Variants in INO80 observed in about 807,000 individuals in gnomAD.
INO80 encodes the protein chromatin-remodeling ATPase INO80.
A neutral mutation model predicts 203.4 loss-of-function variants in INO80; 20 were observed. The observed-to-expected ratio is 0.10, with a 90% CI of 0.07 to 0.14. The LOEUF is 0.14. INO80 is among the 10% of genes least tolerant of loss of function. The pLI, the probability that INO80 is intolerant of heterozygous loss-of-function variation, is 1.00. For synonymous variants in INO80, 726 were observed against 685.2 expected (o/e 1.06, Z -0.93); for missense variants, 1,419 against 1,914.4 (o/e 0.74, Z 4.83).
At chr15:41,090,875 C>A (rs2045629793) in intron 5 of INO80, among the ~76,000 whole-genome samples, 1 of 151,002 alleles carries the variant, frequency 6.6e-6, no homozygotes, top group African/African-American at 2.4e-5. Context: ...TCTAGTACAT[C>A]CGAAGTATTA....
At chr15:41,017,352 T>C (rs1184549406) in intron 26 of INO80, 1 of 152,176 alleles carries the variant, frequency 6.6e-6, no homozygotes, top group Non-Finnish European at 1.5e-5. Context: ...GGGAAGAGTT[T>C]AGGTTTAAGG....
At chr15:41,015,230 G>A (rs1428933853) in intron 27 of INO80, among the ~76,000 whole-genome samples, 2 of 152,296 alleles carry the variant, frequency 1.3e-5, no homozygotes, top group Non-Finnish European at 2.9e-5. Flanking sequence ...TAGCTGTCAA[G>A]CCTGGTTGCA....
chr15:41,049,177 A>T (rs930655996), intron 21 of INO80, 110 bp downstream of exon 21: 1 of 874,052 alleles, frequency 1.1e-6, no homozygotes, highest in Non-Finnish European at 1.7e-6. Flanking sequence ...CCCTTTGCTT[A>T]AATGTCTCAT....
chr15:41,029,800 T>G (rs1335242737), intron 24 of INO80, among the ~76,000 whole-genome samples: 1 of 152,232 alleles, frequency 6.6e-6, no homozygotes, highest in East Asian at 1.9e-4. Flanking sequence ...AGGAAAAAGG[T>G]AAAAAGATGT....
intron 24 of INO80, among the ~76,000 whole-genome samples, chr15:41,040,280 C>T (rs752976467): frequency 2.0e-5 from 3 of 152,112 alleles, no homozygotes; most frequent in Non-Finnish European, 2.9e-5. Flanking sequence ...CAAAACAATA[C>T]AGAAGAAATG....
intron 24 of INO80, among the ~76,000 whole-genome samples, chr15:41,030,850 T>G (rs1164636094): frequency 6.6e-6 from 1 of 151,894 alleles, no homozygotes; most frequent in East Asian, 1.9e-4. Context: ...TTTTGTATTT[T>G]CAGTAGAGAT....
intron 27 of INO80, among the ~76,000 whole-genome samples, chr15:41,009,504 T>TA (rs1030159028): frequency 9.9e-5 from 15 of 151,542 alleles, no homozygotes; most frequent in African/African-American, 3.4e-4. Flanking sequence ...GTTCTTGCGA[T>TA]AGTTTACTGA....
Position 41,027,576 on chromosome 15 carries a change from T to C in INO80, c.3048+20A>G, listed in dbSNP as rs753361223. On this transcript the variant is annotated intron_variant, in intron 25 of 35. Transcript: ENST00000648947. ...CTCCTATTGCCATCTATTTCATCTC[T>C]TCCCTCCTGGAGCACTTACTCGTGG... is the stretch of plus-strand genomic sequence containing the variant. 1.3e-6 allele frequency: 2 copies of C among 1,570,514 alleles called. No homozygotes were observed. Among genetic ancestry groups the C allele is most frequent in the African/African-American group, 1.4e-5 (1 of 73,410 alleles).
intron 27 of INO80, among the ~76,000 whole-genome samples, chr15:41,012,677 C>A (rs966336072): frequency 2.0e-5 from 3 of 151,594 alleles, no homozygotes; most frequent in Non-Finnish European, 2.9e-5. Context: ...CTGCCCGTGG[C>A]AAACTAAAAA....
At chr15:41,115,046 C>G (rs1350129732) in intron 1 of INO80, among the ~76,000 whole-genome samples, 2 of 152,132 alleles carry the variant, frequency 1.3e-5, no homozygotes, top group South Asian at 2.1e-4. Context: ...TTCAATAAAG[C>G]TATTATTTAA....
intron 7 of INO80, among the ~76,000 whole-genome samples, chr15:41,082,284 C>CCAGGCG (rs1167891287): frequency 6.7e-6 from 1 of 148,804 alleles, no homozygotes; most frequent in Non-Finnish European, 1.5e-5. Context: ...CATTTCTTGG[C>CCAGGCG]CAGGCGCAGT....
At chr15:40,999,534 C>A (rs905007925) in intron 28 of INO80, 13 of 152,226 alleles carry the variant, frequency 8.5e-5, no homozygotes, top group Admixed American at 2.0e-4. Context: ...GGGTGGCGGT[C>A]TCTCAGTTAG....
At chr15:41,050,957 C>A (rs1197435694) in intron 19 of INO80, among the ~76,000 whole-genome samples, 3 of 151,626 alleles carry the variant, frequency 2.0e-5, no homozygotes, top group Admixed American at 6.6e-5. Flanking sequence ...ATAGTGAAAC[C>A]CCATCTCTAC....
At chr15:41,036,531 C>A (rs1294931736) in intron 24 of INO80, among the ~76,000 whole-genome samples, 3 of 126,982 alleles carry the variant, frequency 2.4e-5, no homozygotes, top group Non-Finnish European at 5.4e-5. Context: ...GTGCTCTTCA[C>A]AAAATTCTAT....
At chr15:41,017,621 G>C (rs1325258397) in intron 26 of INO80, 3 of 152,208 alleles carry the variant, frequency 2.0e-5, no homozygotes, top group Non-Finnish European at 4.4e-5. Context: ...AAGAACGGAT[G>C]TGCTGACAGC....
At chr15:41,086,018 C>T (rs771162390) in intron 6 of INO80, among the ~76,000 whole-genome samples, 11 of 152,096 alleles carry the variant, frequency 7.2e-5, no homozygotes, top group Non-Finnish European at 1.5e-4. Context: ...TGGCAAGAAC[C>T]AAATTTCTTT....
In INO80 at chr15:40,985,377, C is replaced by G. The variant is rs147809480; in HGVS notation, c.3882G>C (p.Val1294=). The G allele has an allele frequency of 3.7e-6, 6 of 1,613,962 alleles. No individual in the cohort carries two copies. The African/African-American group carries it at 8.0e-5, about 22-fold the overall frequency. ...EKRQQEETNR[V]KERKRKREKY... ...TTTCCCGCTTCCGCTTGCGCTCTTT[C>G]ACTCGGTTGGTTTCCTCCTGTTGCC... The change falls in exon 32 of 36, where the codon GTG becomes GTC. Residue 1294 remains valine (V), a synonymous_variant. Coordinates refer to ENST00000648947, the MANE Select transcript of INO80 (RefSeq NM_017553.3).
intron 1 of INO80, among the ~76,000 whole-genome samples, chr15:41,114,218 G>C (rs2045995407): frequency 6.6e-6 from 1 of 150,712 alleles, no homozygotes; most frequent in Non-Finnish European, 1.5e-5. Context: ...AGTGAGCCGA[G>C]ATCACGCCAC....
At chr15:40,990,992 C>T (rs12905314) in intron 29 of INO80, among the ~76,000 whole-genome samples, 150,808 of 152,308 alleles carry the variant, frequency 0.99, 74,683 homozygotes, top group Middle Eastern at 1. Context: ...TGGTTCAGCA[C>T]GAATTCATAA....
Sources: allele counts gnomAD v4.1 joint callset (sites outside exome capture counted in the v4.1 genomes callset), GRCh38; gene constraint gnomAD v4.1.1; transcripts MANE v1.5; gene names NCBI Gene and HGNC (gene_info 2026-07-23, HGNC 2026-07-21).